The following COL19A1 variants were observed in gnomAD, a reference collection of about 807,000 sequenced individuals.
The protein encoded by COL19A1 is collagen alpha-1(XIX) chain.
In COL19A1, 159 loss-of-function variants were observed where a neutral mutation model predicts 190.2. The ratio of observed to expected loss-of-function variants is 0.84; its 90% CI spans 0.73 to 0.95. The LOEUF is 0.95. Ranked by LOEUF, COL19A1 falls within the 40% of genes least tolerant of loss-of-function variation. The pLI, the probability that COL19A1 is intolerant of heterozygous loss-of-function variation, is 0.00. For synonymous variants in COL19A1, 509 were observed against 458.9 expected (o/e 1.11, Z -1.39); for missense variants, 1,418 against 1,431.9 (o/e 0.99, Z 0.16).
At chr6:70,034,652 A>G (rs1206458022) in intron 13 of COL19A1, among the ~76,000 whole-genome samples, 1 of 152,198 alleles carries the variant, frequency 6.6e-6, no homozygotes, top group African/African-American at 2.4e-5. Context: ...TGGCTTTTGG[A>G]AAGAAGCTAG....
intron 15 of COL19A1, among the ~76,000 whole-genome samples, chr6:70,070,070 G>A (rs186632174): frequency 1.5e-4 from 23 of 152,186 alleles, no homozygotes; most frequent in Admixed American, 1.4e-3. Context: ...ATCAAATCAT[G>A]TACAAATGTA....
At chr6:69,921,901 T>C (rs1431851906) in intron 4 of COL19A1, among the ~76,000 whole-genome samples, 1 of 152,054 alleles carries the variant, frequency 6.6e-6, no homozygotes, top group African/African-American at 2.4e-5. Context: ...TTTTTCTTAC[T>C]GGGAGTATCA....
chr6:69,894,070 A>G (rs930182120), intron 2 of COL19A1, among the ~76,000 whole-genome samples: 2 of 151,662 alleles, frequency 1.3e-5, no homozygotes, highest in African/African-American at 4.9e-5. Context: ...ACCAAGCTGT[A>G]CCCCTACCAC....
intron 15 of COL19A1, among the ~76,000 whole-genome samples, chr6:70,072,948 G>A (rs1781644465): frequency 1.4e-5 from 2 of 148,032 alleles, no homozygotes; most frequent in East Asian, 2.0e-4. Flanking sequence ...TTTGGGGCCA[G>A]ATTGCCTGAA....
At chr6:70,110,028 C>CAAATAA (rs1784195884) in intron 16 of COL19A1, among the ~76,000 whole-genome samples, 1 of 152,188 alleles carries the variant, frequency 6.6e-6, no homozygotes, top group Admixed American at 6.5e-5. Flanking sequence ...ATTTACTATG[C>CAAATAA]ACTGAAAACT....
At chr6:70,135,791 C>G (rs140032257) in intron 18 of COL19A1, among the ~76,000 whole-genome samples, 12 of 152,228 alleles carry the variant, frequency 7.9e-5, no homozygotes, top group Non-Finnish European at 1.8e-4. Context: ...CAAATTTGAC[C>G]ATTTATGGTA....
intron 11 of COL19A1, among the ~76,000 whole-genome samples, chr6:70,022,001 A>ACGTT (rs1778441743): frequency 6.6e-6 from 1 of 152,090 alleles, no homozygotes; most frequent in African/African-American, 2.4e-5. Flanking sequence ...CCCAGTGATT[A>ACGTT]CGTTATTTTT....
chr6:70,207,331 T>C lies in COL19A1; in HGVS notation c.*57T>C. ...CATTTCCTTGCCACTGGAGCTCTCT[T>C]AATACCGTCAAACCCTCATCATCTG... On this transcript the variant is annotated 3_prime_UTR_variant, in exon 51 of 51. Transcript: ENST00000620364. 6.7e-7 allele frequency: 1 copy of C among 1,501,460 alleles called. No individual in the cohort carries two copies. The highest frequency in any genetic ancestry group is 1.9e-5 in the Admixed American group (1 of 53,366). 93.0% of individuals were successfully genotyped at this position (1,501,460 alleles called of 1,614,324 possible).
intron 11 of COL19A1, among the ~76,000 whole-genome samples, chr6:69,981,120 A>C (rs575376706): frequency 6.6e-6 from 1 of 152,196 alleles, no homozygotes; most frequent in Non-Finnish European, 1.5e-5. Flanking sequence ...TTCCTAGAAC[A>C]GTGCTCACAG....
chr6:70,050,943 G>T (rs976911415), intron 14 of COL19A1, among the ~76,000 whole-genome samples: 1 of 151,994 alleles, frequency 6.6e-6, no homozygotes, highest in Non-Finnish European at 1.5e-5. Context: ...TGGATGTAAG[G>T]CCAGGAAACC....
At chr6:70,111,610 C>G (rs1169258216) in intron 16 of COL19A1, among the ~76,000 whole-genome samples, 1 of 152,174 alleles carries the variant, frequency 6.6e-6, no homozygotes, top group Non-Finnish European at 1.5e-5. Context: ...TCACTGATTA[C>G]TTCTTCACTG....
intron 6 of COL19A1, among the ~76,000 whole-genome samples, chr6:69,931,393 G>A (rs1301400440): frequency 6.6e-6 from 1 of 152,084 alleles, no homozygotes; most frequent in African/African-American, 2.4e-5. Context: ...TCAATGTCAT[G>A]GAACTCAATC....
Position 70,053,736 on chromosome 6 carries a change from TCTTTTTTGTCAATA to T in COL19A1, c.1171-14686_1171-14673del, listed in dbSNP as rs575005823. Reference sequence around the variant, plus strand: ...TATTTCTAACATTTTTAACGTTCAGTCTTTTTTGTCAATATAAAAATTGCCAGCATATATTTTTC... The same window carrying T: ...TATTTCTAACATTTTTAACGTTCAGTTAAAAATTGCCAGCATATATTTTTC... On this transcript the variant is annotated intron_variant, in intron 14 of 50. Coordinates refer to ENST00000620364, the MANE Select transcript of COL19A1 (RefSeq NM_001858.6). Among the ~76,000 whole-genome samples, 561 of 152,330 alleles carry T rather than the reference TCTTTTTTGTCAATA, an allele frequency of 3.7e-3. 11 individuals are homozygous for T. The highest frequency in any genetic ancestry group is 0.013 in the African/African-American group (532 of 41,580).
intron 49 of COL19A1, among the ~76,000 whole-genome samples, chr6:70,200,590 A>G (rs550832925): frequency 1.3e-5 from 2 of 152,354 alleles, no homozygotes; most frequent in Non-Finnish European, 2.9e-5. Flanking sequence ...AAAGAAAGAA[A>G]AGTGGAAATT....
intron 15 of COL19A1, among the ~76,000 whole-genome samples, chr6:70,089,975 T>C (rs1263659902): frequency 1.3e-5 from 2 of 152,096 alleles, no homozygotes; most frequent in Non-Finnish European, 2.9e-5. Context: ...AGATTAAAAA[T>C]ATTTTTTAGC....
chr6:70,070,227 A>G (rs1781466031), intron 15 of COL19A1, among the ~76,000 whole-genome samples: 1 of 152,172 alleles, frequency 6.6e-6, no homozygotes, highest in Admixed American at 6.6e-5. Context: ...ATTGTACCCT[A>G]TCAAAGCTTG....
rs1163539400 is a variant in COL19A1, at chr6:70,212,274, T to C, written c.*5000T>C. Among the ~76,000 whole-genome samples, 1 of 152,222 alleles carries C rather than the reference T, an allele frequency of 6.6e-6. No individual in the cohort carries two copies. Among genetic ancestry groups the C allele is most frequent in the Non-Finnish European group, 1.5e-5 (1 of 68,040 alleles). On this transcript the variant is annotated 3_prime_UTR_variant, in exon 51 of 51. Transcript: ENST00000620364. ...TTAGGGTGTGTTTTCCCCCATTTTG[T>C]TTGTTCTCTATCTTACCTCATCAAA...
intron 9 of COL19A1, among the ~76,000 whole-genome samples, chr6:69,957,450 T>G (rs1774490024): frequency 6.6e-6 from 1 of 152,098 alleles, no homozygotes; most frequent in African/African-American, 2.4e-5. Context: ...GGCAGCAACA[T>G]TAGATTTTGC....
chr6:70,124,769 A>G (rs1024805499), intron 17 of COL19A1, among the ~76,000 whole-genome samples: 1 of 152,230 alleles, frequency 6.6e-6, no homozygotes, highest in Non-Finnish European at 1.5e-5. Context: ...AGAAAGGAGT[A>G]TAGCTGTTAT....
Sources: allele counts gnomAD v4.1 joint callset (sites outside exome capture counted in the v4.1 genomes callset), GRCh38; gene constraint gnomAD v4.1.1; transcripts MANE v1.5; gene names NCBI Gene and HGNC (gene_info 2026-07-23, HGNC 2026-07-21).